The following PTPRD variants were observed in gnomAD, a reference collection of about 807,000 sequenced individuals.
PTPRD encodes protein tyrosine phosphatase receptor type D.
PTPRD carries 34 observed loss-of-function variants against 214.5 expected under a neutral mutation model. That is an observed-to-expected ratio of 0.16 (90% CI 0.12 to 0.21). PTPRD has a LOEUF of 0.21. PTPRD is among the 10% of genes least tolerant of loss of function. The pLI is 1.00. For missense variants in PTPRD, 2,545 were observed against 2,398.7 expected, an observed-to-expected ratio of 1.06 and a Z score of -1.27; for synonymous variants, 1,128 against 845.7, an observed-to-expected ratio of 1.33 and a Z score of -5.79.
chr9:9,890,084 G>A (rs1467085178), intron 5 of PTPRD, among the ~76,000 whole-genome samples: 1 of 151,988 alleles, frequency 6.6e-6, no homozygotes, highest in Non-Finnish European at 1.5e-5. Flanking sequence ...TCTGTTTCTT[G>A]GGTGCTCTAT....
chr9:10,156,129 T>C (rs2099091798), intron 3 of PTPRD, among the ~76,000 whole-genome samples: 1 of 150,162 alleles, frequency 6.7e-6, no homozygotes, highest in Admixed American at 6.7e-5. Context: ...TGTGTGCCTG[T>C]CTCCTTTGGT....
intron 19 of PTPRD, among the ~76,000 whole-genome samples, chr9:8,522,139 T>C (rs1250266405): frequency 6.6e-6 from 1 of 152,102 alleles, no homozygotes; most frequent in African/African-American, 2.4e-5. Context: ...AACACAGAAA[T>C]GTATATACAT....
chr9:9,208,602 G>A (rs2099946488), intron 9 of PTPRD, among the ~76,000 whole-genome samples: 1 of 151,906 alleles, frequency 6.6e-6, no homozygotes. Flanking sequence ...TAGAAAATAA[G>A]GGGAACATAC....
chr9:9,723,829 G>C (rs2098019551), intron 7 of PTPRD, among the ~76,000 whole-genome samples: 1 of 152,032 alleles, frequency 6.6e-6, no homozygotes, highest in South Asian at 2.1e-4. Context: ...CGAATGTATA[G>C]AAATATCATT....
intron 10 of PTPRD, among the ~76,000 whole-genome samples, chr9:9,100,046 AT>A (rs1294072318): frequency 6.6e-6 from 1 of 152,202 alleles, no homozygotes; most frequent in Non-Finnish European, 1.5e-5. Context: ...GTCATACAAA[AT>A]ATCCTCTTTT....
At chr9:9,436,497 T>C (rs2143868462) in intron 8 of PTPRD, among the ~76,000 whole-genome samples, 1 of 152,316 alleles carries the variant, frequency 6.6e-6, no homozygotes, top group Middle Eastern at 3.4e-3. Flanking sequence ...ATTTCATCCT[T>C]GATTTTTGGA....
At chr9:9,872,791 A>G (rs762816732) in intron 5 of PTPRD, among the ~76,000 whole-genome samples, 18 of 152,202 alleles carry the variant, frequency 1.2e-4, no homozygotes, top group Admixed American at 6.5e-5. Context: ...GTAATTGAGT[A>G]TGTTCCCAAA....
At chr9:8,524,064 G>C (rs1429386981) in intron 18 of PTPRD, among the ~76,000 whole-genome samples, 2 of 144,808 alleles carry the variant, frequency 1.4e-5, no homozygotes, top group Non-Finnish European at 3.0e-5. Flanking sequence ...CCAGGAATAA[G>C]AACACTTCCA....
chr9:9,550,463 T>C (rs2079929861), intron 8 of PTPRD, among the ~76,000 whole-genome samples: 1 of 148,354 alleles, frequency 6.7e-6, no homozygotes, highest in Admixed American at 6.8e-5. Flanking sequence ...TTATACGTAG[T>C]ATATTATGCA....
chr9:9,130,164 A>T (rs2099840442), intron 10 of PTPRD, among the ~76,000 whole-genome samples: 1 of 152,198 alleles, frequency 6.6e-6, no homozygotes, highest in African/African-American at 2.4e-5. Flanking sequence ...ATGTACAAAC[A>T]AGACAGGTAA....
At chr9:10,329,885 T>TA (rs1475930753) in intron 3 of PTPRD, among the ~76,000 whole-genome samples, 1 of 151,844 alleles carries the variant, frequency 6.6e-6, no homozygotes, top group African/African-American at 2.4e-5. Context: ...CTGTCATGTA[T>TA]AAAAAATTAC....
intron 12 of PTPRD, among the ~76,000 whole-genome samples, chr9:8,704,865 G>C (rs1199611451): frequency 1.3e-5 from 2 of 151,988 alleles, no homozygotes; most frequent in African/African-American, 4.8e-5. Context: ...GGAGGTTGCA[G>C]TGAGCCAAGA....
At chr9:8,609,324 G>A (rs1270569764) in intron 14 of PTPRD, among the ~76,000 whole-genome samples, 4 of 152,186 alleles carry the variant, frequency 2.6e-5, no homozygotes. Flanking sequence ...GCAGCACAGA[G>A]CATAGGAAGG....
In PTPRD at chr9:8,420,112, T is replaced by C. The variant is rs964714046; in HGVS notation, c.4087-15452A>G. The stretch of plus-strand genomic sequence containing the variant: ...CCATGGAGTAAAACTCATAGCTGCA[T>C]ACCAAAATCCTGACAAATTCTAGTT... On this transcript the variant is annotated intron_variant, in intron 35 of 45. Coordinates refer to ENST00000381196, the MANE Select transcript of PTPRD (RefSeq NM_002839.4). 3.0e-4 allele frequency among the ~76,000 whole-genome samples: 46 copies of C among 152,142 alleles called. 1 individual carries two copies. Among genetic ancestry groups the C allele is most frequent in the African/African-American group, 2.4e-5 (1 of 41,442 alleles).
At chr9:10,082,265 A>C (rs2098251488) in intron 3 of PTPRD, among the ~76,000 whole-genome samples, 1 of 152,144 alleles carries the variant, frequency 6.6e-6, no homozygotes, top group Non-Finnish European at 1.5e-5. Flanking sequence ...GTACAGGTTT[A>C]GAATTATCTC....
At chr9:8,754,142 C>T (rs529796528) in intron 11 of PTPRD, among the ~76,000 whole-genome samples, 1 of 150,608 alleles carries the variant, frequency 6.6e-6, no homozygotes, top group East Asian at 1.9e-4. Flanking sequence ...GAGACTCCAT[C>T]TCAAAAAAAA....
At chr9:10,210,437 A>G (rs1183394555) in intron 3 of PTPRD, among the ~76,000 whole-genome samples, 7 of 152,072 alleles carry the variant, frequency 4.6e-5, no homozygotes, top group Admixed American at 2.0e-4. Context: ...CTAAGGTAGC[A>G]TCTTGTAGAC....
At position 8,376,104 on chromosome 9, in the gene PTPRD, A is replaced by G. The variant is rs774499025; in HGVS notation, c.4507-14T>C. ...ACTTGAACCATTCTGTGAAATAGGA[A>G]TATCAGCTGAAATTCTGTTTTCCAA... On this transcript the variant is annotated splice_polypyrimidine_tract_variant and intron_variant, in intron 38 of 45. Transcript: ENST00000381196. 6.4e-5 allele frequency: 103 copies of G among 1,611,150 alleles called. No homozygotes were observed. Among genetic ancestry groups the G allele is most frequent in the Non-Finnish European group, 2.3e-5 (27 of 1,178,574 alleles).
At chr9:9,053,587 G>A (rs2099690668) in intron 10 of PTPRD, among the ~76,000 whole-genome samples, 1 of 152,104 alleles carries the variant, frequency 6.6e-6, no homozygotes, top group African/African-American at 2.4e-5. Flanking sequence ...CAGCCTGGTG[G>A]ACACCTTGAT....
Sources: gnomAD v4.1 joint callset for allele counts (sites outside exome capture counted in the v4.1 genomes callset) on GRCh38, gnomAD v4.1.1 for gene constraint, MANE v1.5 for transcripts, NCBI Gene and HGNC (gene_info 2026-07-23, HGNC 2026-07-21) for gene names.